The following ITPR1 variants were observed in gnomAD, a reference collection of about 807,000 sequenced individuals.
ITPR1 encodes the protein inositol 1,4,5-trisphosphate-gated calcium channel ITPR1.
Under a neutral mutation model 318.4 loss-of-function variants are expected in ITPR1, and 96 were observed. The ratio of observed to expected loss-of-function variants is 0.30; its 90% CI spans 0.26 to 0.36. ITPR1 has a LOEUF of 0.36. Among genes scored for constraint, ITPR1 ranks in the 10% least tolerant of loss-of-function variants. The probability of loss-of-function intolerance (pLI) is 1.00; values close to 1 mark genes in which losing one functional copy is unlikely to be tolerated. For synonymous variants in ITPR1, 1,312 were observed against 1,289.9 expected (o/e 1.02, Z -0.37); for missense variants, 2,440 against 3,460.2 (o/e 0.71, Z 7.40).
rs575492997 is a variant in ITPR1 at position 4,713,248 on chromosome 3, G to A, written c.5103+1380G>A. On this transcript the variant is annotated intron_variant, in intron 39 of 61. Transcript: ENST00000649015. ...ACAGAAACTTGCTCTCCATAAAAAAGGTTAAATCCACCAAAGCTGAGTGAA... is the reference window on the plus strand; with the variant it reads ...ACAGAAACTTGCTCTCCATAAAAAAAGTTAAATCCACCAAAGCTGAGTGAA... Among the ~76,000 whole-genome samples, 17 of 152,200 alleles carry A rather than the reference G, an allele frequency of 1.1e-4. No homozygotes were observed. The South Asian group carries it at 3.3e-3, about 30-fold the overall frequency.
intron 45 of ITPR1, among the ~76,000 whole-genome samples, chr3:4,767,642 C>T (rs1311442584): frequency 6.6e-6 from 1 of 152,236 alleles, no homozygotes; most frequent in African/African-American, 2.4e-5. Context: ...CCTCAGCCTC[C>T]TGAGTAGCTG....
chr3:4,710,941 G>A lies in ITPR1; in HGVS notation c.4991+468G>A, dbSNP rs1421561749. The stretch of plus-strand genomic sequence containing the variant: ...GATTTTTGCCCCAAGGCCGGACACG[G>A]TGGCTCATGCCTGTAATCCCAGCAC... On this transcript the variant is annotated intron_variant, in intron 38 of 61. Transcript: ENST00000649015. This position sits in a 1 kb window ranked among gnomAD's most constrained non-coding sequence, Gnocchi z 4.2. Among the ~76,000 whole-genome samples, 1 of 152,200 alleles carries A rather than the reference G, an allele frequency of 6.6e-6. No homozygotes were observed. Among genetic ancestry groups the A allele is most frequent in the Non-Finnish European group, 1.5e-5 (1 of 68,042 alleles).
chr3:4,645,276 T>C, intron 8 of ITPR1, 111 bp from the exon 9 acceptor site: 1 of 738,358 alleles, frequency 1.4e-6, no homozygotes, highest in Admixed American at 2.2e-5. Context: ...CTTTAGAGTT[T>C]TTAGTCTCAA....
chr3:4,559,185 A>C (rs1001109753), intron 4 of ITPR1, among the ~76,000 whole-genome samples: 3 of 151,498 alleles, frequency 2.0e-5, no homozygotes, highest in Admixed American at 1.3e-4. Flanking sequence ...TTAATAGTTA[A>C]TACATTCAAG....
intron 42 of ITPR1, among the ~76,000 whole-genome samples, chr3:4,732,348 CT>C (rs1559792362): frequency 1.3e-5 from 2 of 152,152 alleles, no homozygotes; most frequent in African/African-American, 4.8e-5. Context: ...TTTGAAACCC[CT>C]CATTCATAAC....
At chr3:4,798,324 A>G (rs1310849946) in intron 53 of ITPR1, among the ~76,000 whole-genome samples, 2 of 152,266 alleles carry the variant, frequency 1.3e-5, no homozygotes, top group Non-Finnish European at 2.9e-5. Flanking sequence ...AAGAAGATGT[A>G]TGAATGGCCA....
chr3:4,586,664 A>G (rs2089934598), intron 4 of ITPR1, among the ~76,000 whole-genome samples: 1 of 150,320 alleles, frequency 6.7e-6, no homozygotes, highest in Non-Finnish European at 1.5e-5. Flanking sequence ...CACTGTCCCC[A>G]TGCCCAGCTA....
chr3:4,709,215 C>A (rs2094820605), intron 37 of ITPR1, among the ~76,000 whole-genome samples: 1 of 152,098 alleles, frequency 6.6e-6, no homozygotes, highest in Non-Finnish European at 1.5e-5. Context: ...CTGTGAAAGT[C>A]AGTATGAACT....
intron 31 of ITPR1, among the ~76,000 whole-genome samples, chr3:4,689,308 C>T (rs578205092): frequency 7.3e-4 from 89 of 121,434 alleles, no homozygotes; most frequent in Non-Finnish European, 1.9e-4. Flanking sequence ...CATCTTTGTG[C>T]ATGCACACAC....
intron 4 of ITPR1, among the ~76,000 whole-genome samples, chr3:4,599,837 G>A (rs1170317337): frequency 1.3e-5 from 2 of 152,180 alleles, no homozygotes; most frequent in South Asian, 2.1e-4. Flanking sequence ...ACAGTGTCAG[G>A]TTGGAGTGCC....
At chr3:4,576,617 G>C (rs564516674) in intron 4 of ITPR1, among the ~76,000 whole-genome samples, 1 of 152,230 alleles carries the variant, frequency 6.6e-6, no homozygotes, top group African/African-American at 2.4e-5. Context: ...AGCTCCTAGC[G>C]TTGGACGGAC....
At chr3:4,571,055 G>C (rs945542498) in intron 4 of ITPR1, among the ~76,000 whole-genome samples, 2 of 152,140 alleles carry the variant, frequency 1.3e-5, no homozygotes, top group Non-Finnish European at 2.9e-5. Context: ...CAATGACAGT[G>C]GCTCTAGAGA....
At chr3:4,777,126 G>T in intron 47 of ITPR1, 138 bp from the exon 48 acceptor site, 1 of 515,008 alleles carries the variant, frequency 1.9e-6, no homozygotes, top group Non-Finnish European at 3.5e-6. Flanking sequence ...ACTTTCTCAC[G>T]GAAAATTTGC....
chr3:4,809,775 C>T (rs569881574), intron 55 of ITPR1, among the ~76,000 whole-genome samples: 7 of 152,154 alleles, frequency 4.6e-5, no homozygotes, highest in South Asian at 4.1e-4. Flanking sequence ...GTAATCTCTG[C>T]GGTCCTTAAC....
intron 60 of ITPR1, among the ~76,000 whole-genome samples, chr3:4,828,421 G>A (rs1376773159): frequency 6.6e-6 from 1 of 152,174 alleles, no homozygotes; most frequent in African/African-American, 2.4e-5. Context: ...AGAAGGGTGA[G>A]TGAGCCTGAT....
intron 5 of ITPR1, among the ~76,000 whole-genome samples, chr3:4,639,077 C>T (rs1255474694): frequency 6.6e-6 from 1 of 152,164 alleles, no homozygotes; most frequent in Non-Finnish European, 1.5e-5. Flanking sequence ...CCCTCCCTCC[C>T]CGACCCTATT....
rs1477099352 is a variant in ITPR1 at position 4,702,871 on chromosome 3, C to T, written c.4578C>T (p.Phe1526=). The change falls in exon 36 of 62, where the codon TTC becomes TTT. Residue 1526 remains phenylalanine (F), a synonymous_variant. Transcript: ENST00000649015. ...TTGTGCAACTGCTGCAAGGCGTGTTCAGGGTTTACCACTGCAACTGGTTAA... is the reference window on the plus strand; with the variant it reads ...TTGTGCAACTGCTGCAAGGCGTGTTTAGGGTTTACCACTGCAACTGGTTAA... ...PVFVQLLQGV[F]RVYHCNWLMP... 6.2e-7 allele frequency: 1 copy of T among 1,613,932 alleles called. No homozygotes were observed. Among genetic ancestry groups the T allele is most frequent in the South Asian group, 1.1e-5 (1 of 91,056 alleles).
chr3:4,821,605 G>A (rs765338564), intron 60 of ITPR1, among the ~76,000 whole-genome samples: 1 of 152,224 alleles, frequency 6.6e-6, no homozygotes, highest in African/African-American at 2.4e-5. Context: ...TCTGTGTGCA[G>A]AGCCATGGCC....
At chr3:4,802,397 A>T (rs539325839) in intron 54 of ITPR1, among the ~76,000 whole-genome samples, 1 of 152,338 alleles carries the variant, frequency 6.6e-6, no homozygotes, top group South Asian at 2.1e-4. Context: ...ATGGCTTGTT[A>T]TGTGGATTCA....
Sources: allele counts gnomAD v4.1 joint callset (sites outside exome capture counted in the v4.1 genomes callset), GRCh38; gene constraint gnomAD v4.1.1; non-coding constraint Gnocchi (gnomAD v3.1); transcripts MANE v1.5; gene names NCBI Gene and HGNC (gene_info 2026-07-23, HGNC 2026-07-21).